MTHFD2L: variants seen among roughly 807,000 people sequenced by gnomAD.
MTHFD2L encodes methylenetetrahydrofolate dehydrogenase (NADP+ dependent) 2 like.
Under a neutral mutation model 34.9 loss-of-function variants are expected in MTHFD2L, and 29 were observed. The observed-to-expected ratio is 0.83, with a 90% CI of 0.62 to 1.13. The LOEUF is 1.13. MTHFD2L is among the 50% of genes most tolerant of loss of function. The pLI is 0.00. For synonymous variants in MTHFD2L, 167 were observed against 155.7 expected (o/e 1.07, Z -0.54); for missense variants, 481 against 446.5 (o/e 1.08, Z -0.70).
intron 7 of MTHFD2L, among the ~76,000 whole-genome samples, chr4:74,297,004 C>A (rs572122372): frequency 1.7e-4 from 26 of 152,168 alleles, no homozygotes; most frequent in South Asian, 4.2e-4. Flanking sequence ...ATCTTACATC[C>A]AAAATGACTG....
At position 74,274,478 on chromosome 4, in the gene MTHFD2L, G is replaced by A. The variant is rs149893658; in HGVS notation, c.806-6947G>A. Among the ~76,000 whole-genome samples the A allele has an allele frequency of 8.7e-3, 1,327 of 152,314 alleles. 8 individuals carry two copies. The highest frequency in any genetic ancestry group is 0.029 in the South Asian group (138 of 4,828). On this transcript the variant is annotated intron_variant, in intron 6 of 7. Transcript: ENST00000325278. ...CAACAACTCCTTATCCTAGCAGGAA[G>A]TTCAAAATGCCACAAGGCACTCCTG...
At chr4:74,175,198 C>T in intron 2 of MTHFD2L, 83 bp from the exon 3 acceptor site, 16 of 1,418,284 alleles carry the variant, frequency 1.1e-5, no homozygotes, top group Non-Finnish European at 1.5e-5. Flanking sequence ...GCAGTAGGAA[C>T]AGTCCCACAC....
intron 1 of MTHFD2L, among the ~76,000 whole-genome samples, chr4:74,144,170 TG>T (rs1480256731): frequency 6.6e-6 from 1 of 152,180 alleles, no homozygotes; most frequent in African/African-American, 2.4e-5. Context: ...AATTGTTAGA[TG>T]GCTGGGTGCA....
intron 6 of MTHFD2L, among the ~76,000 whole-genome samples, chr4:74,251,698 A>T (rs1743331771): frequency 1.3e-5 from 2 of 152,034 alleles, no homozygotes; most frequent in South Asian, 4.1e-4. Context: ...ATTGTGCTTG[A>T]TTTCCTCCAT....
chr4:74,275,336 C>T (rs1746473945), intron 6 of MTHFD2L, among the ~76,000 whole-genome samples: 1 of 152,118 alleles, frequency 6.6e-6, no homozygotes, highest in Non-Finnish European at 1.5e-5. Context: ...TTTCTTTATC[C>T]AGTCCATCAT....
chr4:74,244,023 A>G (rs1295034635), intron 6 of MTHFD2L, among the ~76,000 whole-genome samples: 2 of 152,178 alleles, frequency 1.3e-5, no homozygotes, highest in Admixed American at 6.5e-5. Flanking sequence ...TACATGTTTA[A>G]GGTTGGGCCT....
chr4:74,187,772 T>A (rs946010737), intron 3 of MTHFD2L, among the ~76,000 whole-genome samples: 7 of 127,672 alleles, frequency 5.5e-5, no homozygotes, highest in African/African-American at 2.2e-4. Context: ...ACACACACAC[T>A]GGTCCAGCCA....
chr4:74,174,471 T>G, intron 1 of MTHFD2L, 35 bp from the exon 2 acceptor site: 1 of 1,355,778 alleles, frequency 7.4e-7, no homozygotes. Flanking sequence ...TGTTTCTTAT[T>G]TTCTTTTTAG....
chr4:74,178,454 A>C (rs1729476149), intron 3 of MTHFD2L, among the ~76,000 whole-genome samples: 1 of 152,020 alleles, frequency 6.6e-6, no homozygotes, highest in South Asian at 2.1e-4. Flanking sequence ...CCTTTTGAGC[A>C]ACATTCCTTA....
chr4:74,140,829 C>T (rs1251019676), intron 1 of MTHFD2L, among the ~76,000 whole-genome samples: 1 of 152,202 alleles, frequency 6.6e-6, no homozygotes, highest in Non-Finnish European at 1.5e-5. Context: ...GAAGCTAACT[C>T]ACTATCATGA....
chr4:74,250,317 C>G (rs909373798), intron 6 of MTHFD2L, among the ~76,000 whole-genome samples: 1 of 152,172 alleles, frequency 6.6e-6, no homozygotes, highest in Non-Finnish European at 1.5e-5. Context: ...ATTCATGTCT[C>G]TGTTTAAATG....
intron 5 of MTHFD2L, among the ~76,000 whole-genome samples, chr4:74,209,191 A>C (rs1735864457): frequency 6.6e-6 from 1 of 152,142 alleles, no homozygotes; most frequent in African/African-American, 2.4e-5. Flanking sequence ...AAACAAAAAA[A>C]CAAAACAAAA....
At chr4:74,240,226 A>G (rs1162659134) in intron 6 of MTHFD2L, among the ~76,000 whole-genome samples, 1 of 152,232 alleles carries the variant, frequency 6.6e-6, no homozygotes, top group Non-Finnish European at 1.5e-5. Context: ...CAGCCTAGCT[A>G]CAGAATTAGA....
intron 6 of MTHFD2L, among the ~76,000 whole-genome samples, chr4:74,251,783 T>A (rs1021004508): frequency 2.6e-5 from 4 of 152,214 alleles, no homozygotes; most frequent in African/African-American, 9.6e-5. Context: ...AATGAGCTCC[T>A]AAACAGACCA....
chr4:74,276,031 T>A (rs2110260285), intron 6 of MTHFD2L, among the ~76,000 whole-genome samples: 1 of 152,306 alleles, frequency 6.6e-6, no homozygotes, highest in East Asian at 1.9e-4. Context: ...CATGCCTATG[T>A]CCTGAGTGGT....
chr4:74,191,206 G>C (rs1005103618), intron 3 of MTHFD2L, among the ~76,000 whole-genome samples: 26 of 152,130 alleles, frequency 1.7e-4, no homozygotes, highest in Non-Finnish European at 5.9e-5. Flanking sequence ...GTGAGCCACT[G>C]TGCCTGGTCC....
chr4:74,231,730 T>C (rs1402282805), intron 6 of MTHFD2L, among the ~76,000 whole-genome samples: 3 of 152,160 alleles, frequency 2.0e-5, no homozygotes, highest in African/African-American at 7.2e-5. Context: ...AATCTGTTCA[T>C]TGATGTGATT....
chr4:74,127,326 C>G (rs1177903548), intron 1 of MTHFD2L, among the ~76,000 whole-genome samples: 2 of 152,164 alleles, frequency 1.3e-5, no homozygotes, highest in African/African-American at 2.4e-5. Context: ...CCCTACTGAA[C>G]TATGGAACAC....
At chr4:74,211,044 CTT>C (rs1258474008) in intron 5 of MTHFD2L, among the ~76,000 whole-genome samples, 1 of 152,194 alleles carries the variant, frequency 6.6e-6, no homozygotes, top group Non-Finnish European at 1.5e-5. Flanking sequence ...TGTCCTGAGA[CTT>C]TGCTGAAGTT....
Sources: gnomAD v4.1 joint callset for allele counts (sites outside exome capture counted in the v4.1 genomes callset) on GRCh38, gnomAD v4.1.1 for gene constraint, MANE v1.5 for transcripts, NCBI Gene and HGNC (gene_info 2026-07-23, HGNC 2026-07-21) for gene names.